POGZ: variants seen among roughly 807,000 people sequenced by gnomAD.
POGZ encodes pogo transposable element derived with ZNF domain, also known as pogo transposable element with ZNF domain.
Under a neutral mutation model 134.6 loss-of-function variants are expected in POGZ, and 17 were observed. The observed-to-expected ratio is 0.13, with a 90% CI of 0.09 to 0.19. The LOEUF is 0.19. Among genes scored for constraint, POGZ ranks in the 10% least tolerant of loss-of-function variants. The pLI, the probability that POGZ is intolerant of heterozygous loss-of-function variation, is 1.00. For synonymous variants in POGZ, 693 were observed against 657.1 expected, an observed-to-expected ratio of 1.05 and a Z score of -0.84; for missense variants, 1,306 against 1,769.7, an observed-to-expected ratio of 0.74 and a Z score of 4.70.
Position 151,412,353 on chromosome 1 carries a change from T to C in POGZ, c.1722A>G (p.Leu574=), listed in dbSNP as rs756796268. ...ICEWAFESEP[L]FLQHMKDTHK... is the part of the protein sequence containing the mutation. ...GAGTATCCTTCATATGCTGGAGAAA[T>C]AGTGGCTCACTTTCAAACGCCCATT... The change falls in exon 11 of 19, where the codon CTA becomes CTG. Residue 574 remains leucine (L), a synonymous_variant. Transcript: ENST00000271715. The C allele has an allele frequency of 1.9e-6, 3 of 1,611,110 alleles. No homozygotes were observed. Among genetic ancestry groups the C allele is most frequent in the African/African-American group, 1.3e-5 (1 of 74,836 alleles).
At chr1:151,434,126 T>C (rs553931241) in intron 3 of POGZ, among the ~76,000 whole-genome samples, 33 of 152,106 alleles carry the variant, frequency 2.2e-4, no homozygotes, top group Non-Finnish European at 4.3e-4. Context: ...CTGGCCATCA[T>C]GGTGAAACCC....
Position 151,428,185 on chromosome 1 carries a change from G to A in POGZ, c.797C>T (p.Ser266Leu). ...STTPTATQPT[S>L]LGQLAVQSPG... ...AGACTGAACAGCTAGTTGCCCCAGT[G>A]AGGTTGGCTGTGTGGCAGTGGGAGT... The change falls in exon 6 of 19, where the codon TCA becomes TTA. Residue 266 changes from serine to leucine, a missense_variant. Physicochemically the swap from Ser to Leu is moderately radical, Grantham distance 145. Coordinates refer to ENST00000271715, the MANE Select transcript of POGZ (RefSeq NM_015100.4). 1 of 1,614,206 alleles carries A rather than the reference G, an allele frequency of 6.2e-7. No individual in the cohort carries two copies. Among genetic ancestry groups the A allele is most frequent in the Non-Finnish European group, 8.5e-7 (1 of 1,180,026 alleles).
intron 1 of POGZ, chr1:151,450,991 G>A (rs1366461371): frequency 6.6e-6 from 1 of 151,620 alleles, no homozygotes; most frequent in African/African-American, 2.4e-5. Context: ...CTTGAGGTCA[G>A]GAGTTCAAAA....
At chr1:151,450,023 ATTTT>A (rs1171783071) in intron 1 of POGZ, among the ~76,000 whole-genome samples, 34 of 74,322 alleles carry the variant, frequency 4.6e-4, no homozygotes, top group Non-Finnish European at 5.3e-4. Context: ...GTGAAACTTG[ATTTT>A]TTTTTTTTTT....
In POGZ at chr1:151,405,921, C is replaced by T; in HGVS notation, c.3114G>A (p.Gln1038=). 2 of 1,614,156 alleles carry T rather than the reference C, an allele frequency of 1.2e-6. No individual in the cohort carries two copies. Among genetic ancestry groups the T allele is most frequent in the Non-Finnish European group, 1.7e-6 (2 of 1,179,998 alleles). The change falls in exon 19 of 19, where the codon CAG becomes CAA. Residue 1038 remains glutamine, a synonymous_variant. Transcript: ENST00000271715. This position sits in a 1 kb window ranked among gnomAD's most constrained non-coding sequence, Gnocchi z 4.9. ...CATTTACAGGTAGCTGTTGTTCGCG[C>T]TGGGTTAGCACCCACTCAGCCAGTT... ...EEKLAEWVLT[Q]REQQLPVNEE... is the part of the protein sequence containing the mutation.
chr1:151,458,139 G>A (rs998524535), intron 1 of POGZ, among the ~76,000 whole-genome samples: 3 of 151,998 alleles, frequency 2.0e-5, no homozygotes, highest in African/African-American at 7.3e-5. Context: ...TCTGAACTAA[G>A]AATGTCTAAG....
intron 15 of POGZ, 109 bp downstream of exon 15, chr1:151,407,991 G>A (rs552426568): frequency 1.2e-5 from 10 of 837,522 alleles, no homozygotes; most frequent in Non-Finnish European, 1.6e-5. Context: ...CAGCCTAGGG[G>A]ACAGAGTGAG....
chr1:151,413,982 G>C (rs896403721), intron 10 of POGZ, among the ~76,000 whole-genome samples: 28 of 152,190 alleles, frequency 1.8e-4, no homozygotes, highest in African/African-American at 6.5e-4. Context: ...TCTAGGAAGA[G>C]GATTCAAACA....
intron 12 of POGZ, among the ~76,000 whole-genome samples, 170 bp downstream of exon 12, chr1:151,411,455 T>C (rs567856098): frequency 3.3e-5 from 5 of 152,176 alleles, no homozygotes; most frequent in Non-Finnish European, 7.4e-5. Context: ...ACTAAATCTC[T>C]AGCATCTAGA....
chr1:151,435,118 T>C (rs574691580), intron 3 of POGZ, among the ~76,000 whole-genome samples: 1 of 152,288 alleles, frequency 6.6e-6, no homozygotes, highest in South Asian at 2.1e-4. Context: ...CATGCTAGTC[T>C]CAAACTTCTG....
chr1:151,440,869 CT>C, intron 3 of POGZ, 58 bp downstream of exon 3: 5 of 1,483,838 alleles, frequency 3.4e-6, no homozygotes, highest in South Asian at 1.2e-5. Flanking sequence ...TCCCTGAGAC[CT>C]TTTTTATTCT....
At chr1:151,456,293 G>C (rs1662767609) in intron 1 of POGZ, among the ~76,000 whole-genome samples, 1 of 152,082 alleles carries the variant, frequency 6.6e-6, no homozygotes, top group Admixed American at 6.6e-5. Context: ...ATATCATAAG[G>C]AAAGTCTTTT....
intron 10 of POGZ, among the ~76,000 whole-genome samples, chr1:151,417,688 CCACACACACACACACACACACA>C (rs59753677): frequency 3.6e-5 from 5 of 137,566 alleles, no homozygotes; most frequent in Admixed American, 7.4e-5. Flanking sequence ...GGTACTGTGG[CCACACACACACACACACACACA>C]CACACACACA....
intron 15 of POGZ, among the ~76,000 whole-genome samples, chr1:151,407,665 G>A (rs1653883807): frequency 1.3e-5 from 2 of 152,166 alleles, no homozygotes; most frequent in African/African-American, 2.4e-5. Context: ...TCTAAGAGTT[G>A]AAGGAGGAAA....
intron 8 of POGZ, 50 bp from the exon 9 acceptor site, chr1:151,424,336 T>C (rs1012741007): frequency 2.6e-6 from 3 of 1,141,754 alleles, no homozygotes; most frequent in Non-Finnish European, 3.8e-6. Context: ...GGCTAGAATG[T>C]GCTAACTCCT....
chr1:151,412,509 A>T, intron 10 of POGZ, 113 bp from the exon 11 acceptor site: 2 of 642,150 alleles, frequency 3.1e-6, no homozygotes, highest in Non-Finnish European at 5.6e-6. Flanking sequence ...CAATCAGTAA[A>T]TCATAGGTCC....
At chr1:151,412,199 G>C in intron 11 of POGZ, 97 bp downstream of exon 11, 1 of 662,430 alleles carries the variant, frequency 1.5e-6, no homozygotes, top group Non-Finnish European at 2.7e-6. Context: ...CCTAAACTGA[G>C]TGTATGCAGT....
rs756945847 is a variant in POGZ at position 151,405,687 on chromosome 1, G to C, written c.3348C>G (p.Asp1116Glu). The C allele has an allele frequency of 6.2e-7, 1 of 1,614,168 alleles. No individual in the cohort carries two copies. Among genetic ancestry groups the C allele is most frequent in the East Asian group, 2.2e-5 (1 of 44,886 alleles). Residue 1116 changes from aspartate to glutamate, a missense_variant, in exon 19 of 19, where the codon GAC (aspartate) becomes GAG (glutamate). Asp to Glu is a conservative substitution (Grantham distance 45, BLOSUM62 2). Around this residue, in one of 10 missense-constraint regions of POGZ, gnomAD observed 161 missense variants for 185.4 expected, o/e 0.87. Coordinates refer to ENST00000271715, the MANE Select transcript of POGZ (RefSeq NM_015100.4). The surrounding 1 kb of genome is among the most constrained non-coding windows in gnomAD (Gnocchi z 4.9). ...TAGCCACAATCATAGACAAGGGTAA[G>C]TCCTGGTTGTGAATCTGCCGTTGTA... ...DFVQRQIHNQ[D>E]LPLSMIVAID...
intron 1 of POGZ, among the ~76,000 whole-genome samples, chr1:151,445,522 CA>C (rs201269208): frequency 4.8e-3 from 253 of 52,884 alleles, no homozygotes; most frequent in East Asian, 0.015. Context: ...GACTCTGTCT[CA>C]AAAAAAAAAA....
Sources: allele counts gnomAD v4.1 joint callset (sites outside exome capture counted in the v4.1 genomes callset), GRCh38; gene constraint gnomAD v4.1.1; regional missense constraint gnomAD v4.1.1; non-coding constraint Gnocchi (gnomAD v3.1); transcripts MANE v1.5; gene names NCBI Gene and HGNC (gene_info 2026-07-23, HGNC 2026-07-21).